DYSF: variants seen among roughly 807,000 people sequenced by gnomAD.
DYSF encodes the protein dysferlin.
A neutral mutation model predicts 274.9 loss-of-function variants in DYSF; 212 were observed. The observed-to-expected ratio is 0.77, with a 90% confidence interval of 0.69 to 0.86. DYSF has a LOEUF of 0.86. Among genes scored for constraint, DYSF ranks in the 40% least tolerant of loss-of-function variants. The pLI is 0.00. For synonymous variants in DYSF, 1,091 were observed against 1,078.7 expected (o/e 1.01, Z -0.22); for missense variants, 2,666 against 2,783.2 (o/e 0.96, Z 0.95).
chr2:71,466,720 G>A lies in DYSF; in HGVS notation c.-123G>A. 1 of 1,392,952 alleles carries A rather than the reference G, an allele frequency of 7.2e-7. No individual in the cohort carries two copies. The highest frequency in any genetic ancestry group is 1.5e-5 in the African/African-American group (1 of 66,856). The allele number at this position is 1,392,952 out of a possible 1,614,324, so 86.3% of individuals were successfully genotyped here. A position where few individuals can be genotyped will look rare whatever the true frequency, so the allele number is the denominator to read the frequency against. ...GGTCACTTCTCCGCGGAGGAGCAGC[G>A]AAGGCGACAGCTCTCTTGGCGCGGC... On this transcript the variant is annotated 5_prime_UTR_variant, in exon 1 of 56. Coordinates refer to ENST00000410020, the MANE Select transcript of DYSF (RefSeq NM_001130987.2).
chr2:71,513,669 G>A (rs746519844), intron 6 of DYSF, 47 bp from the exon 7 acceptor site: 1 of 1,602,750 alleles, frequency 6.2e-7, no homozygotes, highest in South Asian at 1.1e-5. Flanking sequence ...CAGGGGCAGG[G>A]GCAGGGCCAG....
intron 1 of DYSF, among the ~76,000 whole-genome samples, chr2:71,470,903 T>C (rs1366843249): frequency 6.6e-6 from 1 of 151,166 alleles, no homozygotes; most frequent in Non-Finnish European, 1.5e-5. Context: ...GTGATTCTCC[T>C]GCCTCAGCCT....
chr2:71,515,605 C>T lies in DYSF; in HGVS notation c.760-18C>T, dbSNP rs2086570581. ...CTCTTCCCCCTTCCTCCTGCTCTTTCCTCCTTCTGGCTTTCAGATCAGGGT... is the reference window on the plus strand; with the variant it reads ...CTCTTCCCCCTTCCTCCTGCTCTTTTCTCCTTCTGGCTTTCAGATCAGGGT... On this transcript the variant is annotated intron_variant, in intron 7 of 55. Coordinates refer to ENST00000410020, the MANE Select transcript of DYSF (RefSeq NM_001130987.2). The T allele has an allele frequency of 1.2e-6, 2 of 1,613,830 alleles. No homozygotes were observed. Among genetic ancestry groups the T allele is most frequent in the South Asian group, 1.1e-5 (1 of 91,078 alleles).
rs79891845 is a variant in DYSF at position 71,669,394 on chromosome 2, G to A, written c.5642+187G>A. Among the ~76,000 whole-genome samples the A allele has an allele frequency of 3.3e-3, 499 of 152,302 alleles. 1 individual carries two copies. The highest frequency in any genetic ancestry group is 0.011 in the African/African-American group (477 of 41,566). ...CCCACCAGATTTCTTTTTCTGCACTGAACTTTGGGTTGAACTTACAAGTTT... is the reference window on the plus strand; with the variant it reads ...CCCACCAGATTTCTTTTTCTGCACTAAACTTTGGGTTGAACTTACAAGTTT... On this transcript the variant is annotated intron_variant, in intron 50 of 55. Transcript: ENST00000410020.
intron 5 of DYSF, among the ~76,000 whole-genome samples, chr2:71,512,387 A>C (rs995689791): frequency 6.6e-6 from 1 of 152,168 alleles, no homozygotes; most frequent in South Asian, 2.1e-4. Context: ...AGAGCCCTGA[A>C]CTGAACTTCA....
At chr2:71,569,776 T>C (rs1172106870) in intron 26 of DYSF, 44 bp from the exon 27 acceptor site, 3 of 1,557,732 alleles carry the variant, frequency 1.9e-6, no homozygotes, top group East Asian at 2.3e-5. Context: ...GATGGGGGCC[T>C]CTCCAGCAGA....
rs144642368 is a variant in DYSF, at chr2:71,589,490, C to T, written c.3403-103C>T. On this transcript the variant is annotated intron_variant, in intron 30 of 55. Transcript: ENST00000410020. Reference sequence around the variant, plus strand: ...AGGCTGAGAGTTCAGCTTTCGGCAGCGGAGAGATCTCCTGGCCCTGGGGAT... The same window carrying T: ...AGGCTGAGAGTTCAGCTTTCGGCAGTGGAGAGATCTCCTGGCCCTGGGGAT... 6.7e-3 allele frequency: 6,054 copies of T among 907,634 alleles called. 131 individuals are homozygous for T. Among genetic ancestry groups the T allele is most frequent in the Admixed American group, 0.046 (2,660 of 58,058 alleles). 56.2% of individuals were successfully genotyped at this position (907,634 alleles called of 1,614,324 possible).
intron 36 of DYSF, among the ~76,000 whole-genome samples, chr2:71,608,778 G>A (rs1474520155): frequency 6.6e-6 from 1 of 152,166 alleles, no homozygotes; most frequent in Non-Finnish European, 1.5e-5. Context: ...GGATAAAGTG[G>A]ATACTGCCCA....
intron 30 of DYSF, among the ~76,000 whole-genome samples, chr2:71,577,817 G>T (rs968819189): frequency 2.0e-5 from 3 of 152,188 alleles, no homozygotes; most frequent in Non-Finnish European, 2.9e-5. Flanking sequence ...CTGGGGCTAA[G>T]GTCCTCCCTG....
intron 13 of DYSF, 95 bp downstream of exon 13, chr2:71,526,441 G>C: frequency 6.6e-7 from 1 of 1,519,278 alleles, no homozygotes; most frequent in Non-Finnish European, 8.9e-7. Context: ...CAGCTCCCTG[G>C]GGGAAGGAGA....
intron 1 of DYSF, chr2:71,454,230 A>ACAGGTCTGCAGAGGGCGACT: frequency 1.2e-6 from 1 of 817,248 alleles, no homozygotes. Context: ...TTGCAACGAC[A>ACAGGTCTGCAGAGGGCGACT]CAGGTCTGCA....
intron 42 of DYSF, among the ~76,000 whole-genome samples, chr2:71,651,117 A>G (rs1344135928): frequency 6.6e-6 from 1 of 152,172 alleles, no homozygotes; most frequent in Non-Finnish European, 1.5e-5. Context: ...TAAAGCTTCA[A>G]TTCAAGAAGC....
rs907000231 is a variant in DYSF at position 71,568,064 on chromosome 2, G to C, written c.2679G>C (p.Leu893=). 9.3e-6 allele frequency: 15 copies of C among 1,614,078 alleles called. No individual in the cohort carries two copies. In the African/African-American group the frequency reaches 1.7e-4, roughly 19 times the overall value. The change falls in exon 25 of 56, where the codon CTG becomes CTC. Residue 893 remains leucine, a synonymous_variant. Transcript: ENST00000410020. ...KEFNQFAEGK[L]SVFAETYENE... Reference sequence around the variant, plus strand: ...TCAACCAGTTTGCTGAGGGGAAGCTGTCTGTCTTTGCTGAAACCGTGAGTA... The same window carrying C: ...TCAACCAGTTTGCTGAGGGGAAGCTCTCTGTCTTTGCTGAAACCGTGAGTA...
At chr2:71,570,844 C>A in intron 29 of DYSF, 103 bp downstream of exon 29, 1 of 1,497,984 alleles carries the variant, frequency 6.7e-7, no homozygotes, top group South Asian at 1.2e-5. Context: ...TGTGTGCACA[C>A]AGCATGCACA....
chr2:71,571,579 C>T (rs1330855310), intron 29 of DYSF, among the ~76,000 whole-genome samples: 6 of 145,602 alleles, frequency 4.1e-5, no homozygotes, highest in African/African-American at 1.6e-4. Context: ...CCACCACACA[C>T]AGATCACACC....
At chr2:71,618,162 G>A (rs2093959670) in intron 40 of DYSF, among the ~76,000 whole-genome samples, 1 of 149,866 alleles carries the variant, frequency 6.7e-6, no homozygotes, top group Non-Finnish European at 1.5e-5. Flanking sequence ...GTGTGTGTGT[G>A]TGTGTGTGGT....
chr2:71,581,426 TGTTCCTGTGTTCC>T (rs2092896094), intron 30 of DYSF, among the ~76,000 whole-genome samples: 1 of 152,246 alleles, frequency 6.6e-6, no homozygotes, highest in East Asian at 1.9e-4. Context: ...GGAGTCTGTG[TGTTCCTGTGTTCC>T]GTTCTGTCTT....
chr2:71,493,471 A>G (rs1344304807), intron 3 of DYSF, among the ~76,000 whole-genome samples: 1 of 152,220 alleles, frequency 6.6e-6, no homozygotes, highest in East Asian at 1.9e-4. Flanking sequence ...CGAACAGAGA[A>G]AAAAGATATT....
chr2:71,500,962 T>C (rs1452491937), intron 3 of DYSF, among the ~76,000 whole-genome samples: 1 of 152,106 alleles, frequency 6.6e-6, no homozygotes, highest in Non-Finnish European at 1.5e-5. Context: ...TCGCATGGAC[T>C]CATGCATCCT....
Sources: allele counts gnomAD v4.1 joint callset (sites outside exome capture counted in the v4.1 genomes callset), GRCh38; gene constraint gnomAD v4.1.1; transcripts MANE v1.5; gene names NCBI Gene and HGNC (gene_info 2026-07-23, HGNC 2026-07-21).